Variants in LIN9 observed in about 807,000 individuals in gnomAD.
LIN9 encodes lin-9 DREAM MuvB core complex component, also known as protein lin-9 homolog.
In LIN9, 18 loss-of-function variants were observed where a neutral mutation model predicts 78.0. That is an observed-to-expected ratio of 0.23 (90% confidence interval 0.16 to 0.34). LIN9 has a LOEUF of 0.34. LIN9 is among the 10% of genes least tolerant of loss of function. The pLI, the probability that LIN9 is intolerant of heterozygous loss-of-function variation, is 1.00. For missense variants in LIN9, 451 were observed against 644.1 expected, an observed-to-expected ratio of 0.70 and a Z score of 3.25; for synonymous variants, 192 against 215.2, an observed-to-expected ratio of 0.89 and a Z score of 0.94.
chr1:226,305,315 GAAAAAAAAAAAAA>G (rs111859953), intron 1 of LIN9, among the ~76,000 whole-genome samples: 4 of 77,506 alleles, frequency 5.2e-5, no homozygotes, highest in African/African-American at 9.8e-5. Context: ...ACAAAAAAAA[GAAAAAAAAAAAAA>G]AAAAAAAAAA....
intron 11 of LIN9, among the ~76,000 whole-genome samples, chr1:226,245,422 C>A (rs1471320874): frequency 7.0e-6 from 1 of 143,646 alleles, no homozygotes; most frequent in South Asian, 2.2e-4. Context: ...ACATACTTGT[C>A]TTTTTTCCCC....
At position 226,287,720 on chromosome 1, in the gene LIN9, C is replaced by T. The variant is rs201968099; in HGVS notation, c.342G>A (p.Lys114=). The T allele has an allele frequency of 1.9e-6, 3 of 1,555,094 alleles. No individual in the cohort carries two copies. The East Asian group carries it at 7.3e-5, about 38-fold the overall frequency. Residue 114 remains lysine (K), a synonymous_variant, in exon 5 of 15, where the codon AAG becomes AAA. Coordinates refer to ENST00000681046, the MANE Select transcript of LIN9 (RefSeq NM_001366245.2). The part of the protein sequence containing the change: ...KIGFRLRNLL[K]LPKAHKWCIY... Reference sequence around the variant, plus strand: ...TACACCATTTATGTGCTTTAGGAAGCTTGAGCAGATTACGTAATCGAAAAC... The same window carrying T: ...TACACCATTTATGTGCTTTAGGAAGTTTGAGCAGATTACGTAATCGAAAAC...
intron 11 of LIN9, among the ~76,000 whole-genome samples, chr1:226,244,413 C>G (rs1326240340): frequency 1.3e-5 from 2 of 151,874 alleles, no homozygotes; most frequent in Admixed American, 6.6e-5. Context: ...GCCTGGGTGA[C>G]AAAGCAAGAC....
At chr1:226,274,419 T>C (rs1166530955) in intron 7 of LIN9, among the ~76,000 whole-genome samples, 1 of 152,186 alleles carries the variant, frequency 6.6e-6, no homozygotes, top group South Asian at 2.1e-4. Context: ...CTTTTAAGAG[T>C]TTCTCTGAAG....
At chr1:226,270,356 C>G (rs1221293923) in intron 7 of LIN9, among the ~76,000 whole-genome samples, 1 of 152,028 alleles carries the variant, frequency 6.6e-6, no homozygotes, top group Admixed American at 6.6e-5. Context: ...TAAAGCAAAT[C>G]CAACAACTCT....
At chr1:226,267,864 C>CAA in intron 8 of LIN9, 93 bp downstream of exon 8, 1 of 1,320,376 alleles carries the variant, frequency 7.6e-7, no homozygotes, top group Non-Finnish European at 1.0e-6. Flanking sequence ...GAGATAAAGT[C>CAA]TTGATTCTAT....
chr1:226,296,421 C>T (rs575386752), intron 3 of LIN9, among the ~76,000 whole-genome samples: 12 of 152,192 alleles, frequency 7.9e-5, no homozygotes, highest in Middle Eastern at 3.4e-3. Flanking sequence ...AAATTGTTAA[C>T]CGAATTTTCA....
chr1:226,302,902 T>A (rs1662651276), intron 1 of LIN9, among the ~76,000 whole-genome samples: 1 of 152,166 alleles, frequency 6.6e-6, no homozygotes, highest in African/African-American at 2.4e-5. Context: ...CTCAACTGAC[T>A]TTTTCCTCCA....
rs1312737687 is a variant in LIN9, at chr1:226,295,202, C to A, written c.264+640G>T. On this transcript the variant is annotated intron_variant, in intron 4 of 14. Coordinates refer to ENST00000681046, the MANE Select transcript of LIN9 (RefSeq NM_001366245.2). ...CAGTGGCTCACGACTGTAATCCCAG[C>A]ACTTTGGGAGGCCGAGGCGGGTAGA... Among the ~76,000 whole-genome samples, 4 of 151,946 alleles carry A rather than the reference C, an allele frequency of 2.6e-5. No homozygotes were observed. The East Asian group carries it at 5.8e-4, about 22-fold the overall frequency.
intron 7 of LIN9, among the ~76,000 whole-genome samples, chr1:226,273,147 G>A (rs1660413433): frequency 1.3e-5 from 2 of 151,806 alleles, no homozygotes; most frequent in African/African-American, 2.4e-5. Context: ...TACAACAATA[G>A]GATGGCCAGA....
chr1:226,267,072 G>A (rs1053199014), intron 8 of LIN9, among the ~76,000 whole-genome samples: 3 of 151,684 alleles, frequency 2.0e-5, no homozygotes, highest in African/African-American at 4.8e-5. Context: ...GAGCAACCGC[G>A]CCTGGCCAAT....
intron 6 of LIN9, among the ~76,000 whole-genome samples, chr1:226,281,617 A>G (rs989032137): frequency 5.3e-5 from 8 of 152,148 alleles, no homozygotes; most frequent in Non-Finnish European, 1.2e-4. Flanking sequence ...AATTTAAAAA[A>G]TATACCAAAA....
intron 1 of LIN9, 70 bp from the exon 2 acceptor site, chr1:226,301,275 G>T: frequency 8.6e-7 from 1 of 1,163,010 alleles, no homozygotes. Context: ...CCTTGGTTTG[G>T]GGGTAAAAGT....
intron 10 of LIN9, among the ~76,000 whole-genome samples, chr1:226,258,175 A>AAAACAAAC (rs145801833): frequency 0.016 from 2,372 of 149,198 alleles, 64 homozygotes; most frequent in African/African-American, 0.046. Context: ...CCTGTTCTCA[A>AAAACAAAC]AAACAAACAA....
At chr1:226,236,468 T>A (rs560805368) in intron 12 of LIN9, among the ~76,000 whole-genome samples, 110 of 152,148 alleles carry the variant, frequency 7.2e-4, no homozygotes, top group African/African-American at 2.5e-3. Context: ...TTATTTATTT[T>A]TTCTTGAGAC....
chr1:226,260,730 C>T (rs1008366912), intron 10 of LIN9, among the ~76,000 whole-genome samples: 37 of 149,798 alleles, frequency 2.5e-4, no homozygotes, highest in East Asian at 1.6e-3. Context: ...CTGCAAGCTC[C>T]GCCTCCCAGG....
rs750307176 is a variant in LIN9 at position 226,268,087 on chromosome 1, C to T, written c.686G>A (p.Arg229Gln). ...PLVIGTKVTA[R>Q]LRGVHDGLFT... ...CAAACCATCATGAACACCACGTAAT[C>T]GTGCTGAGAAAAGAACAAAGGCATT... is the stretch of plus-strand genomic sequence containing the variant. Residue 229 changes from arginine to glutamine, a missense_variant, in exon 8 of 15, where the codon CGA (arginine) becomes CAA (glutamine). By Grantham distance (43) the Arg-to-Gln change is conservative. Coordinates refer to ENST00000681046, the MANE Select transcript of LIN9 (RefSeq NM_001366245.2). 5.6e-6 allele frequency: 9 copies of T among 1,612,800 alleles called. No homozygotes were observed. The highest frequency in any genetic ancestry group is 7.6e-6 in the Non-Finnish European group (9 of 1,179,436).
intron 10 of LIN9, among the ~76,000 whole-genome samples, chr1:226,263,160 A>T (rs1211956505): frequency 2.0e-5 from 3 of 152,236 alleles, no homozygotes; most frequent in Admixed American, 6.5e-5. Context: ...GAAACACAGA[A>T]GATTTTTAGG....
At chr1:226,240,853 G>T (rs1658064643) in intron 11 of LIN9, among the ~76,000 whole-genome samples, 1 of 152,120 alleles carries the variant, frequency 6.6e-6, no homozygotes, top group Non-Finnish European at 1.5e-5. Flanking sequence ...CCTGGCTAAT[G>T]TTCTAAGTGT....
Sources: gnomAD v4.1 joint callset for allele counts (sites outside exome capture counted in the v4.1 genomes callset) on GRCh38, gnomAD v4.1.1 for gene constraint, MANE v1.5 for transcripts, NCBI Gene and HGNC (gene_info 2026-07-23, HGNC 2026-07-21) for gene names.